MSRA: variants seen among roughly 807,000 people sequenced by gnomAD.
MSRA encodes mitochondrial peptide methionine sulfoxide reductase.
MSRA carries 54 observed loss-of-function variants against 31.3 expected under a neutral mutation model. The ratio of observed to expected loss-of-function variants is 1.73; its 90% CI spans 1.39 to 2.17. The LOEUF (loss-of-function observed/expected upper bound fraction) is 2.17, where lower values mean the gene tolerates loss of function less well. MSRA is among the 30% of genes most tolerant of loss of function. The pLI, the probability that MSRA is intolerant of heterozygous loss-of-function variation, is 0.00. For missense variants in MSRA, 507 were observed against 300.9 expected (o/e 1.69, Z -5.07); for synonymous variants, 169 against 116.5 (o/e 1.45, Z -2.90).
At chr8:10,248,089 C>T (rs13248589) in intron 3 of MSRA, among the ~76,000 whole-genome samples, 37,311 of 151,988 alleles carry the variant, frequency 0.25, 4,826 homozygotes, top group Admixed American at 0.35. Flanking sequence ...GGAAAATAAA[C>T]AAACAAACAA....
At chr8:10,355,528 G>C (rs993467441) in intron 5 of MSRA, among the ~76,000 whole-genome samples, 10 of 152,198 alleles carry the variant, frequency 6.6e-5, no homozygotes, top group African/African-American at 2.4e-4. Context: ...CTGTGTCAAA[G>C]GAAAAGAACT....
intron 1 of MSRA, among the ~76,000 whole-genome samples, chr8:10,069,897 C>T (rs1387534829): frequency 1.3e-5 from 2 of 152,156 alleles, no homozygotes; most frequent in Non-Finnish European, 2.9e-5. Context: ...GGTATATATG[C>T]ACATAGTTTA....
chr8:10,308,519 AC>A (rs1801262086), intron 4 of MSRA, among the ~76,000 whole-genome samples: 1 of 152,006 alleles, frequency 6.6e-6, no homozygotes, highest in Admixed American at 6.5e-5. Context: ...AAAACACAAA[AC>A]CAGCTGTGGC....
At chr8:10,130,206 C>G (rs554984859) in intron 1 of MSRA, among the ~76,000 whole-genome samples, 1 of 152,184 alleles carries the variant, frequency 6.6e-6, no homozygotes, top group African/African-American at 2.4e-5. Flanking sequence ...AGTAGTACTT[C>G]CATTGAGAAA....
intron 1 of MSRA, among the ~76,000 whole-genome samples, chr8:10,202,675 T>A (rs1194010639): frequency 2.0e-5 from 3 of 152,178 alleles, no homozygotes; most frequent in Non-Finnish European, 4.4e-5. Flanking sequence ...TAATGTTTAT[T>A]TGCCGTTCCT....
rs111756303 is a variant in MSRA at position 10,285,975 on chromosome 8, C to A, written c.332-15559C>A. ...GCCTAAACCAGTTTGGGAACAGTCACAACTAATTGGGTAAGGGTACCCCTC... is the reference window on the plus strand; with the variant it reads ...GCCTAAACCAGTTTGGGAACAGTCAAAACTAATTGGGTAAGGGTACCCCTC... On this transcript the variant is annotated intron_variant, in intron 3 of 5. Coordinates refer to ENST00000317173, the MANE Select transcript of MSRA (RefSeq NM_012331.5). Among the ~76,000 whole-genome samples, 1,228 of 152,144 alleles carry A rather than the reference C, an allele frequency of 8.1e-3. 17 individuals are homozygous for A. The highest frequency in any genetic ancestry group is 0.027 in the African/African-American group (1,138 of 41,500).
chr8:10,306,510 G>A (rs553496350), intron 4 of MSRA, among the ~76,000 whole-genome samples: 2 of 152,050 alleles, frequency 1.3e-5, no homozygotes, highest in East Asian at 3.9e-4. Flanking sequence ...AGATTCTTGT[G>A]TCTCTTGCAT....
intron 1 of MSRA, among the ~76,000 whole-genome samples, chr8:10,132,890 G>T (rs1406605599): frequency 6.6e-6 from 1 of 152,212 alleles, no homozygotes; most frequent in Non-Finnish European, 1.5e-5. Flanking sequence ...TAATGCAGAA[G>T]AACGAGTCTT....
chr8:10,336,254 G>A (rs74301671), intron 5 of MSRA, among the ~76,000 whole-genome samples: 11,945 of 151,982 alleles, frequency 0.079, 1,251 homozygotes, highest in East Asian at 0.47. Flanking sequence ...TAGTAAGAAA[G>A]AAAAATACTG....
intron 5 of MSRA, among the ~76,000 whole-genome samples, chr8:10,372,525 G>T (rs748254142): frequency 6.6e-6 from 1 of 152,192 alleles, no homozygotes; most frequent in Non-Finnish European, 1.5e-5. Context: ...ATCTCAGAGA[G>T]TCTCACTTTT....
chr8:10,067,264 A>G lies in MSRA; in HGVS notation c.142+12606A>G, dbSNP rs1390893998. Among the ~76,000 whole-genome samples, 6 of 152,180 alleles carry G rather than the reference A, an allele frequency of 3.9e-5. No individual in the cohort carries two copies. The East Asian group carries it at 9.6e-4, about 24-fold the overall frequency. On this transcript the variant is annotated intron_variant, in intron 1 of 5. Coordinates refer to ENST00000317173, the MANE Select transcript of MSRA (RefSeq NM_012331.5). ...TTTTTCCAGAATGTCATATATTTGG[A>G]ATTATATAGTATATAGCCTTTTCGG...
At chr8:10,287,635 C>T (rs1426446680) in intron 3 of MSRA, among the ~76,000 whole-genome samples, 2 of 152,134 alleles carry the variant, frequency 1.3e-5, no homozygotes, top group Admixed American at 6.5e-5. Flanking sequence ...GTGTCTTGGT[C>T]TGGTGAATTT....
chr8:10,182,117 C>A (rs1260033310), intron 1 of MSRA, among the ~76,000 whole-genome samples: 1 of 152,146 alleles, frequency 6.6e-6, no homozygotes, highest in Non-Finnish European at 1.5e-5. Flanking sequence ...GGGGACTAGA[C>A]AGGGAGGTGA....
chr8:10,242,143 C>A (rs988560253), intron 2 of MSRA, among the ~76,000 whole-genome samples: 1 of 151,926 alleles, frequency 6.6e-6, no homozygotes, highest in Non-Finnish European at 1.5e-5. Context: ...TGGTAGTACG[C>A]GCTTGTAATC....
intron 3 of MSRA, among the ~76,000 whole-genome samples, chr8:10,300,354 C>G (rs1273142374): frequency 6.6e-6 from 1 of 151,960 alleles, no homozygotes; most frequent in African/African-American, 2.4e-5. Flanking sequence ...CTCTCAGGTT[C>G]AAGTGATTCT....
At chr8:10,199,921 G>A (rs1808348983) in intron 1 of MSRA, among the ~76,000 whole-genome samples, 1 of 152,154 alleles carries the variant, frequency 6.6e-6, no homozygotes, top group African/African-American at 2.4e-5. Context: ...TTGCCAGGGA[G>A]TGAACATGAG....
intron 3 of MSRA, among the ~76,000 whole-genome samples, chr8:10,248,972 A>C (rs1797774248): frequency 6.6e-6 from 1 of 152,182 alleles, no homozygotes; most frequent in Admixed American, 6.5e-5. Context: ...GTAGGATTTC[A>C]GAGTAACCTA....
At chr8:10,152,608 T>G (rs1351493524) in intron 1 of MSRA, among the ~76,000 whole-genome samples, 1 of 152,248 alleles carries the variant, frequency 6.6e-6, no homozygotes, top group Non-Finnish European at 1.5e-5. Context: ...TTTTAGATTC[T>G]GTGGATCTCT....
intron 1 of MSRA, among the ~76,000 whole-genome samples, chr8:10,171,620 G>A (rs1805595480): frequency 1.3e-5 from 2 of 152,124 alleles, no homozygotes; most frequent in Non-Finnish European, 2.9e-5. Context: ...GATAGCACAG[G>A]CAACCACAGC....
Sources: allele counts gnomAD v4.1 joint callset (sites outside exome capture counted in the v4.1 genomes callset), GRCh38; gene constraint gnomAD v4.1.1; transcripts MANE v1.5; gene names NCBI Gene and HGNC (gene_info 2026-07-23, HGNC 2026-07-21).